NALF1: variants seen among roughly 807,000 people sequenced by gnomAD.
NALF1 encodes the protein NALCN channel auxiliary factor 1, also known as family with sequence similarity 155 member A.
In NALF1, 3 loss-of-function variants were observed where a neutral mutation model predicts 48.4. That is an observed-to-expected ratio of 0.06 (90% CI 0.03 to 0.16). The LOEUF (loss-of-function observed/expected upper bound fraction) is 0.16, where lower values mean the gene tolerates loss of function less well. Among genes scored for constraint, NALF1 ranks in the 10% least tolerant of loss-of-function variants. NALF1 has a pLI of 1.00. For missense variants in NALF1, 526 were observed against 571.5 expected, an observed-to-expected ratio of 0.92 and a Z score of 0.81; for synonymous variants, 262 against 245.7, an observed-to-expected ratio of 1.07 and a Z score of -0.62.
rs187767170 is a variant in NALF1 at position 107,354,807 on chromosome 13, G to T, written c.916-144052C>A. On this transcript the variant is annotated intron_variant, in intron 1 of 2. Transcript: ENST00000375915. The stretch of plus-strand genomic sequence containing the variant: ...TATTTATAAACTATGGTGGGAGAGG[G>T]TTTTGTTTGTGTAAAAGCCCCTGAT... 1.8e-3 allele frequency among the ~76,000 whole-genome samples: 275 copies of T among 152,200 alleles called. 1 individual carries two copies. The highest frequency in any genetic ancestry group is 6.4e-3 in the African/African-American group (267 of 41,530).
chr13:107,389,269 G>A (rs748688979), intron 1 of NALF1, among the ~76,000 whole-genome samples: 1 of 152,184 alleles, frequency 6.6e-6, no homozygotes, highest in Admixed American at 6.5e-5. Flanking sequence ...CCCACAAAAA[G>A]ATATGTTCGG....
intron 1 of NALF1, among the ~76,000 whole-genome samples, chr13:107,603,703 G>A (rs930813148): frequency 1.3e-5 from 2 of 152,204 alleles, no homozygotes; most frequent in African/African-American, 4.8e-5. Flanking sequence ...GGACTATCAT[G>A]TGGGGCACCA....
At chr13:107,354,884 G>A (rs1356977177) in intron 1 of NALF1, among the ~76,000 whole-genome samples, 1 of 152,188 alleles carries the variant, frequency 6.6e-6, no homozygotes, top group Non-Finnish European at 1.5e-5. Context: ...AACTGTGCTA[G>A]AGAAAGAAGA....
At chr13:107,359,098 C>T (rs928163348) in intron 1 of NALF1, among the ~76,000 whole-genome samples, 3 of 152,074 alleles carry the variant, frequency 2.0e-5, no homozygotes, top group Non-Finnish European at 2.9e-5. Flanking sequence ...TTTGAACATT[C>T]CCCTCCCTGA....
At chr13:107,424,381 G>A (rs148902797) in intron 1 of NALF1, among the ~76,000 whole-genome samples, 18 of 152,096 alleles carry the variant, frequency 1.2e-4, no homozygotes, top group Non-Finnish European at 2.2e-4. Flanking sequence ...CAAGCAATCC[G>A]CCCCACTCAG....
At chr13:107,651,412 G>T (rs1280147203) in intron 1 of NALF1, among the ~76,000 whole-genome samples, 1 of 152,184 alleles carries the variant, frequency 6.6e-6, no homozygotes, top group African/African-American at 2.4e-5. Flanking sequence ...AAATATCTGA[G>T]ATTTTCATCA....
intron 1 of NALF1, among the ~76,000 whole-genome samples, chr13:107,220,206 A>G (rs1879960686): frequency 6.6e-6 from 1 of 152,232 alleles, no homozygotes; most frequent in African/African-American, 2.4e-5. Context: ...GCTCCTCAAG[A>G]AACAGCAGCT....
intron 1 of NALF1, among the ~76,000 whole-genome samples, chr13:107,848,497 C>T (rs1027267338): frequency 6.6e-6 from 1 of 152,164 alleles, no homozygotes. Context: ...AATTACTTTT[C>T]CCTTCAAAAT....
At chr13:107,690,489 G>A (rs1317077533) in intron 1 of NALF1, among the ~76,000 whole-genome samples, 5 of 152,130 alleles carry the variant, frequency 3.3e-5, no homozygotes, top group African/African-American at 7.2e-5. Flanking sequence ...AGTGGTTTTT[G>A]CATTGTCTCC....
At chr13:107,430,543 T>C (rs1217872459) in intron 1 of NALF1, among the ~76,000 whole-genome samples, 2 of 152,142 alleles carry the variant, frequency 1.3e-5, no homozygotes, top group Admixed American at 1.3e-4. Flanking sequence ...AGTGAGAACA[T>C]GCGGTGGTTG....
chr13:107,222,234 G>C (rs1164338737), intron 1 of NALF1, among the ~76,000 whole-genome samples: 6 of 152,142 alleles, frequency 3.9e-5, no homozygotes, highest in Non-Finnish European at 8.8e-5. Context: ...CCGGTCTTAA[G>C]ACCTTCTTTC....
At chr13:107,295,632 A>G (rs901930273) in intron 1 of NALF1, among the ~76,000 whole-genome samples, 2 of 152,170 alleles carry the variant, frequency 1.3e-5, no homozygotes, top group African/African-American at 4.8e-5. Flanking sequence ...CCCAAACATT[A>G]AAATGGAAGG....
chr13:107,178,502 A>T (rs1204169759), intron 2 of NALF1, among the ~76,000 whole-genome samples: 1 of 152,244 alleles, frequency 6.6e-6, no homozygotes, highest in Non-Finnish European at 1.5e-5. Flanking sequence ...AGCTACAATG[A>T]AATATCATCT....
intron 1 of NALF1, among the ~76,000 whole-genome samples, chr13:107,467,528 G>T (rs1430310733): frequency 6.6e-6 from 1 of 152,126 alleles, no homozygotes; most frequent in Non-Finnish European, 1.5e-5. Flanking sequence ...CTCTTCTTGA[G>T]TGTTGCCATA....
At chr13:107,762,173 G>A (rs1474088553) in intron 1 of NALF1, among the ~76,000 whole-genome samples, 2 of 151,852 alleles carry the variant, frequency 1.3e-5, no homozygotes, top group Non-Finnish European at 2.9e-5. Context: ...ATGAAATGAT[G>A]AGCAAGACTG....
rs528511424 is a variant in NALF1, at chr13:107,758,263, G to T, written c.915+107419C>A. 2.6e-5 allele frequency among the ~76,000 whole-genome samples: 4 copies of T among 152,108 alleles called. No homozygotes were observed. In the South Asian group the frequency reaches 8.3e-4, roughly 31 times the overall value. ...ATTTCTACATAAGTGTGGGTGTTAG[G>T]CTAACTAAACTGAAAATTTCTGGAA... On this transcript the variant is annotated intron_variant, in intron 1 of 2. Coordinates refer to ENST00000375915, the MANE Select transcript of NALF1 (RefSeq NM_001080396.3).
chr13:107,353,187 G>C (rs1428754994), intron 1 of NALF1, among the ~76,000 whole-genome samples: 1 of 152,052 alleles, frequency 6.6e-6, no homozygotes, highest in East Asian at 1.9e-4. Flanking sequence ...TAACACACTG[G>C]ATGACTAGGT....
chr13:107,548,290 A>G (rs1877187994), intron 1 of NALF1, among the ~76,000 whole-genome samples: 1 of 152,104 alleles, frequency 6.6e-6, no homozygotes, highest in African/African-American at 2.4e-5. Flanking sequence ...TGCTCCCACA[A>G]AAGGCATAAT....
intron 1 of NALF1, among the ~76,000 whole-genome samples, chr13:107,818,422 T>G (rs1322348825): frequency 6.6e-6 from 1 of 152,104 alleles, no homozygotes; most frequent in Non-Finnish European, 1.5e-5. Context: ...AAGTAGGGTC[T>G]GCACATAGCT....
Sources: allele counts gnomAD v4.1 joint callset (sites outside exome capture counted in the v4.1 genomes callset), GRCh38; gene constraint gnomAD v4.1.1; transcripts MANE v1.5; gene names NCBI Gene and HGNC (gene_info 2026-07-23, HGNC 2026-07-21).